The following CARHSP1 variants were observed in gnomAD, a reference collection of about 807,000 sequenced individuals.
CARHSP1 encodes calcium regulated heat stable protein 1, also known as calcium-regulated heat-stable protein 1.
A neutral mutation model predicts 12.5 loss-of-function variants in CARHSP1; 14 were observed. The observed-to-expected ratio is 1.12, with a 90% CI of 0.74 to 1.75. The LOEUF (loss-of-function observed/expected upper bound fraction) is 1.75, where lower values mean the gene tolerates loss of function less well. CARHSP1 is among the 40% of genes most tolerant of loss of function. CARHSP1 has a pLI of 0.00. For synonymous variants in CARHSP1, 161 were observed against 82.0 expected (o/e 1.96, Z -5.20); for missense variants, 343 against 201.6 (o/e 1.70, Z -4.25).
In CARHSP1 at chr16:8,858,454, C is replaced by T. The variant is rs747503216; in HGVS notation, c.177G>A (p.Gln59=). The T allele has an allele frequency of 5.6e-6, 9 of 1,613,800 alleles. No homozygotes were observed. Among genetic ancestry groups the T allele is most frequent in the Non-Finnish European group, 7.6e-6 (9 of 1,180,024 alleles). The change falls in exon 3 of 4, where the codon CAG becomes CAA. Residue 59 remains glutamine (Q), a synonymous_variant. Coordinates refer to ENST00000311052, the MANE Select transcript of CARHSP1 (RefSeq NM_014316.4). ...RTFSATVRAS[Q]GPVYKGVCKC... Reference sequence around the variant, plus strand: ...TGCAGACTCCTTTGTAGACGGGGCCCTGTGAAGCCCGCACCGTCCTGACAG... The same window carrying T: ...TGCAGACTCCTTTGTAGACGGGGCCTTGTGAAGCCCGCACCGTCCTGACAG...
intron 3 of CARHSP1, 157 bp downstream of exon 3, chr16:8,858,190 ACAG>A: frequency 1.2e-6 from 1 of 841,130 alleles, no homozygotes; most frequent in Non-Finnish European, 1.8e-6. Context: ...CAACACACAC[ACAG>A]GAGCACAGCT....
intron 1 of CARHSP1, among the ~76,000 whole-genome samples, chr16:8,861,989 C>CTTTTTTTTTTTTTTTTTTTTTTTTT (rs537614451): frequency 2.5e-5 from 2 of 79,806 alleles, no homozygotes; most frequent in East Asian, 4.7e-4. Context: ...GCATAGCTGA[C>CTTTTTTTTTTTTTTTTTTTTTTTTT]TTTTTTTTTT....
chr16:8,861,542 A>G (rs2061355207), intron 1 of CARHSP1: 1 of 1,165,020 alleles, frequency 8.6e-7, no homozygotes, highest in African/African-American at 1.6e-5. Context: ...AGGAGAAGGG[A>G]TGCCCCATCC....
At position 8,857,263 on chromosome 16, in the gene CARHSP1, G is replaced by GTTTTTTTTTTTTTGT. The variant is rs2061151694; in HGVS notation, c.281+1086_281+1087insACAAAAAAAAAAAAA. Reference sequence around the variant, plus strand: ...TGGCTATGTGATCTTGGGCAGATCTGTTTTTTTTTTTTTTTTTTTTTTTTT... The same window carrying GTTTTTTTTTTTTTGT: ...TGGCTATGTGATCTTGGGCAGATCTGTTTTTTTTTTTTTGTTTTTTTTTTTTTTTTTTTTTTTTTT... On this transcript the variant is annotated intron_variant, in intron 3 of 3. Coordinates refer to ENST00000311052, the MANE Select transcript of CARHSP1 (RefSeq NM_014316.4). 3.5e-5 allele frequency among the ~76,000 whole-genome samples: 2 copies of GTTTTTTTTTTTTTGT among 57,006 alleles called. 1 individual carries two copies. Among genetic ancestry groups the GTTTTTTTTTTTTTGT allele is most frequent in the Non-Finnish European group, 7.4e-5 (2 of 26,896 alleles). 37.4% of individuals were successfully genotyped at this position (57,006 alleles called of 152,430 possible).
At chr16:8,868,258 G>C (rs1055533292) in intron 1 of CARHSP1, 2 of 152,232 alleles carry the variant, frequency 1.3e-5, no homozygotes, top group African/African-American at 4.8e-5. Context: ...TCCAACCCCA[G>C]AAAACCATAG....
chr16:8,862,894 T>G (rs1239077286), intron 1 of CARHSP1, among the ~76,000 whole-genome samples: 2 of 152,100 alleles, frequency 1.3e-5, no homozygotes, highest in Non-Finnish European at 1.5e-5. Flanking sequence ...CCTGGGTGAA[T>G]GGCACAGACC....
intron 3 of CARHSP1, among the ~76,000 whole-genome samples, chr16:8,856,139 G>C (rs553024790): frequency 6.6e-6 from 1 of 152,148 alleles, no homozygotes; most frequent in Non-Finnish European, 1.5e-5. Context: ...GGTCCCTTTG[G>C]TGCATGAAGC....
At chr16:8,861,082 A>G (rs528234794) in intron 1 of CARHSP1, among the ~76,000 whole-genome samples, 3 of 145,330 alleles carry the variant, frequency 2.1e-5, no homozygotes, top group African/African-American at 5.1e-5. Context: ...TTTTTTTGAG[A>G]CAGTGTCTCA....
In CARHSP1 at chr16:8,861,812, T is replaced by C. The variant is rs2061364081; in HGVS notation, c.-7-2477A>G. The C allele has an allele frequency of 4.2e-6, 5 of 1,203,586 alleles. No individual in the cohort carries two copies. The South Asian group carries it at 7.4e-5, about 18-fold the overall frequency. 74.6% of individuals were successfully genotyped at this position (1,203,586 alleles called of 1,614,324 possible). A position where few individuals can be genotyped will look rare whatever the true frequency, so the allele number is the denominator to read the frequency against. ...GCACAGGTCATAGAGTCCTAGAATG[T>C]TCAACGCCCAGAGTTCCAGGAAAGA... On this transcript the variant is annotated intron_variant, in intron 1 of 3. Transcript: ENST00000311052.
chr16:8,861,593 C>T, intron 1 of CARHSP1: 3 of 1,285,808 alleles, frequency 2.3e-6, no homozygotes, highest in Non-Finnish European at 3.0e-6. Context: ...GCTGCACTCT[C>T]CCGTTGGGCC....
intron 1 of CARHSP1, among the ~76,000 whole-genome samples, chr16:8,863,339 C>T (rs1234463080): frequency 6.6e-6 from 1 of 152,126 alleles, no homozygotes; most frequent in Non-Finnish European, 1.5e-5. Context: ...TCTTAAACTC[C>T]TGGGCTCAAG....
chr16:8,862,648 C>G (rs778340454), intron 1 of CARHSP1, among the ~76,000 whole-genome samples: 1 of 152,068 alleles, frequency 6.6e-6, no homozygotes, highest in Non-Finnish European at 1.5e-5. Context: ...ATTTGCAAAA[C>G]GGAGGGAGGC....
chr16:8,858,252 A>C, intron 3 of CARHSP1, 98 bp downstream of exon 3: 2 of 1,410,398 alleles, frequency 1.4e-6, no homozygotes, highest in Non-Finnish European at 9.6e-7. Flanking sequence ...ATTCGTCCTC[A>C]CACCCAGCGC....
At position 8,855,028 on chromosome 16, in the gene CARHSP1, C is replaced by G. The variant is rs1379713922; in HGVS notation, c.*136G>C. 2.9e-6 allele frequency: 2 copies of G among 693,664 alleles called. No individual in the cohort carries two copies. The highest frequency in any genetic ancestry group is 3.6e-5 in the African/African-American group (2 of 54,890). 43.0% of individuals were successfully genotyped at this position (693,664 alleles called of 1,614,324 possible). ...CCACACCTGCCCCCCATACCCCTTC[C>G]TCCAGGAGATACTTGAGAGGGACCA... On this transcript the variant is annotated 3_prime_UTR_variant, in exon 4 of 4. Transcript: ENST00000311052.
Position 8,858,369 on chromosome 16 carries a change from T to G in CARHSP1, c.262A>C (p.Ile88Leu), listed in dbSNP as rs1169009639. 5.0e-6 allele frequency: 8 copies of G among 1,613,760 alleles called. No homozygotes were observed. In the African/African-American group the frequency reaches 5.3e-5, roughly 11 times the overall value. The part of the protein sequence containing the change: ...FITPADGGPD[I>L]FLHISDVEGE... The stretch of plus-strand genomic sequence containing the variant: ...ACTCACTCAGAGATGTGCAGGAAGA[T>G]GTCGGGGCCGCCATCAGCTGGAGTA... The change falls in exon 3 of 4, where the codon ATC becomes CTC. Residue 88 changes from isoleucine (I) to leucine (L), a missense_variant. By Grantham distance (5) the Ile-to-Leu change is conservative. Coordinates refer to ENST00000311052, the MANE Select transcript of CARHSP1 (RefSeq NM_014316.4).
rs376874872 is a variant in CARHSP1, at chr16:8,853,967, T to C, written c.*1197A>G. 1.3e-5 allele frequency: 2 copies of C among 152,122 alleles called. No homozygotes were observed. The highest frequency in any genetic ancestry group is 2.9e-5 in the Non-Finnish European group (2 of 68,066). 9.4% of individuals were successfully genotyped at this position (152,122 alleles called of 1,614,324 possible). Reference sequence around the variant, plus strand: ...CGGGTGTGGTGGCGCATGCCTGTAATCCCAGCTACTCAGGAGACTGAGGCG... The same window carrying C: ...CGGGTGTGGTGGCGCATGCCTGTAACCCCAGCTACTCAGGAGACTGAGGCG... On this transcript the variant is annotated 3_prime_UTR_variant, in exon 4 of 4. Coordinates refer to ENST00000311052, the MANE Select transcript of CARHSP1 (RefSeq NM_014316.4).
chr16:8,860,317 G>T, intron 1 of CARHSP1: 1 of 985,180 alleles, frequency 1.0e-6, no homozygotes. Flanking sequence ...ACGCTGTTAT[G>T]AAATCAAATT....
chr16:8,858,172 C>A, intron 3 of CARHSP1, 178 bp downstream of exon 3: 2 of 733,674 alleles, frequency 2.7e-6, no homozygotes, highest in South Asian at 1.9e-5. Flanking sequence ...AGTCTCACAA[C>A]CCCAACCCAA....
chr16:8,857,592 CT>C (rs35003515), intron 3 of CARHSP1: 107,534 of 120,998 alleles, frequency 0.89, 47,924 homozygotes, highest in East Asian at 0.96. Context: ...ATGCCCGATC[CT>C]TTTTTTTTTT....
Sources: gnomAD v4.1 joint callset for allele counts (sites outside exome capture counted in the v4.1 genomes callset) on GRCh38, gnomAD v4.1.1 for gene constraint, MANE v1.5 for transcripts, NCBI Gene and HGNC (gene_info 2026-07-23, HGNC 2026-07-21) for gene names.